DPP10: variants seen among roughly 807,000 people sequenced by gnomAD.
DPP10 encodes the protein dipeptidyl peptidase like 10.
A neutral mutation model predicts 120.9 loss-of-function variants in DPP10; 33 were observed. The ratio of observed to expected loss-of-function variants is 0.27; its 90% CI spans 0.21 to 0.37. The LOEUF (loss-of-function observed/expected upper bound fraction) is 0.37. Among genes scored for constraint, DPP10 ranks in the 10% least tolerant of loss-of-function variants. The pLI is 1.00. For missense variants in DPP10, 816 were observed against 942.8 expected, an observed-to-expected ratio of 0.87 and a Z score of 1.76; for synonymous variants, 337 against 326.1, an observed-to-expected ratio of 1.03 and a Z score of -0.36.
chr2:114,597,036 C>A (rs1208696317), intron 1 of DPP10, among the ~76,000 whole-genome samples: 1 of 151,976 alleles, frequency 6.6e-6, no homozygotes, highest in Non-Finnish European at 1.5e-5. Flanking sequence ...TCCTACAGGG[C>A]AGTACAGGTA....
At chr2:115,570,335 C>A (rs1321816910) in intron 5 of DPP10, among the ~76,000 whole-genome samples, 2 of 152,138 alleles carry the variant, frequency 1.3e-5, no homozygotes, top group African/African-American at 4.8e-5. Flanking sequence ...CAGGAAAATC[C>A]CAAATCCCCA....
At chr2:114,522,504 A>G (rs2104669684) in intron 1 of DPP10, among the ~76,000 whole-genome samples, 1 of 152,324 alleles carries the variant, frequency 6.6e-6, no homozygotes, top group African/African-American at 2.4e-5. Context: ...AGGACTAAAA[A>G]AACACTCTGG....
At chr2:114,778,392 A>G (rs1681955627) in intron 1 of DPP10, among the ~76,000 whole-genome samples, 2 of 152,180 alleles carry the variant, frequency 1.3e-5, no homozygotes, top group Admixed American at 1.3e-4. Flanking sequence ...AATATCTATT[A>G]GTCCTATAAC....
At chr2:115,357,818 A>G (rs966491931) in intron 3 of DPP10, among the ~76,000 whole-genome samples, 5 of 152,046 alleles carry the variant, frequency 3.3e-5, no homozygotes, top group South Asian at 2.1e-4. Flanking sequence ...CCAAAACTCA[A>G]TTTTTGTTTT....
chr2:114,711,333 T>C (rs1303677759), intron 1 of DPP10, among the ~76,000 whole-genome samples: 2 of 152,134 alleles, frequency 1.3e-5, no homozygotes, highest in Non-Finnish European at 2.9e-5. Context: ...CAGAAGAAGA[T>C]TTAGGAGGAT....
intron 1 of DPP10, among the ~76,000 whole-genome samples, chr2:114,813,825 A>T (rs1000409808): frequency 6.6e-6 from 1 of 151,980 alleles, no homozygotes; most frequent in Non-Finnish European, 1.5e-5. Context: ...TGGATTCCTC[A>T]TCAAGAATAT....
intron 1 of DPP10, among the ~76,000 whole-genome samples, chr2:114,863,674 T>C (rs748248891): frequency 1.1e-4 from 17 of 152,210 alleles, no homozygotes; most frequent in Non-Finnish European, 2.1e-4. Context: ...CAGGATGAAA[T>C]AGAATTAAAG....
At chr2:115,611,432 T>C (rs2084090943) in intron 5 of DPP10, among the ~76,000 whole-genome samples, 1 of 152,146 alleles carries the variant, frequency 6.6e-6, no homozygotes, top group South Asian at 2.1e-4. Context: ...AAAGTCTGAT[T>C]CTGAAACAGT....
At chr2:114,585,913 A>G (rs1690942857) in intron 1 of DPP10, among the ~76,000 whole-genome samples, 1 of 152,216 alleles carries the variant, frequency 6.6e-6, no homozygotes, top group African/African-American at 2.4e-5. Flanking sequence ...GAATGATGTG[A>G]CTTTGTATTA....
chr2:115,391,686 A>T (rs1481584273), intron 3 of DPP10, among the ~76,000 whole-genome samples: 2 of 151,938 alleles, frequency 1.3e-5, no homozygotes, highest in African/African-American at 4.8e-5. Context: ...ATTTATTATA[A>T]TTATAAATAT....
intron 3 of DPP10, among the ~76,000 whole-genome samples, chr2:115,443,822 C>T (rs35444272): frequency 0.27 from 40,951 of 151,972 alleles, 6,452 homozygotes; most frequent in East Asian, 0.41. Flanking sequence ...CAGAGTTTCT[C>T]AACTTGAGCA....
intron 1 of DPP10, among the ~76,000 whole-genome samples, chr2:114,993,747 C>T (rs1700904405): frequency 6.6e-6 from 1 of 151,836 alleles, no homozygotes; most frequent in Non-Finnish European, 1.5e-5. Context: ...GGTTGTACGA[C>T]TATGTGCCCA....
intron 1 of DPP10, among the ~76,000 whole-genome samples, chr2:114,687,781 G>GCTA (rs1699468829): frequency 6.6e-6 from 1 of 151,934 alleles, no homozygotes; most frequent in South Asian, 2.1e-4. Context: ...GCTGTCATGT[G>GCTA]CTAGACTCTG....
chr2:114,609,621 G>T (rs1693117473), intron 1 of DPP10, among the ~76,000 whole-genome samples: 1 of 152,104 alleles, frequency 6.6e-6, no homozygotes, highest in African/African-American at 2.4e-5. Flanking sequence ...CAGAAAGCCA[G>T]GTAAGTTGTC....
intron 1 of DPP10, among the ~76,000 whole-genome samples, chr2:114,502,474 A>T (rs1177961179): frequency 6.6e-6 from 1 of 152,246 alleles, no homozygotes; most frequent in Non-Finnish European, 1.5e-5. Flanking sequence ...AAATTTAAAA[A>T]ATCATACTAC....
rs1450874549 is a variant in DPP10 at position 114,636,067 on chromosome 2, T to C, written c.60+193229T>C. ...AGTGACAGATTCACTCATTCATTTT[T>C]TTAAGAAAGTGTCTGCTGAGTACTT... On this transcript the variant is annotated intron_variant, in intron 1 of 25. Transcript: ENST00000410059. Among the ~76,000 whole-genome samples the C allele has an allele frequency of 2.0e-5, 3 of 152,004 alleles. 1 individual carries two copies. The highest frequency in any genetic ancestry group is 7.3e-5 in the African/African-American group (3 of 41,242).
At chr2:115,794,213 T>G (rs1684296600) in intron 19 of DPP10, among the ~76,000 whole-genome samples, 1 of 152,188 alleles carries the variant, frequency 6.6e-6, no homozygotes, top group African/African-American at 2.4e-5. Context: ...ATATATCTGG[T>G]AGCCAACAGA....
At chr2:115,825,113 CT>C (rs1343114140) in intron 21 of DPP10, among the ~76,000 whole-genome samples, 1 of 152,210 alleles carries the variant, frequency 6.6e-6, no homozygotes, top group African/African-American at 2.4e-5. Context: ...GATATTTCAA[CT>C]GCATTTACTG....
intron 5 of DPP10, among the ~76,000 whole-genome samples, chr2:115,613,620 C>T (rs188521439): frequency 1.0e-3 from 157 of 152,292 alleles, no homozygotes; most frequent in African/African-American, 3.6e-3. Flanking sequence ...TCCCACAAGC[C>T]TCCATCTTCA....
Sources: allele counts gnomAD v4.1 joint callset (sites outside exome capture counted in the v4.1 genomes callset), GRCh38; gene constraint gnomAD v4.1.1; transcripts MANE v1.5; gene names NCBI Gene and HGNC (gene_info 2026-07-23, HGNC 2026-07-21).